HDAC4: variants seen among roughly 807,000 people sequenced by gnomAD.
The protein encoded by HDAC4 is histone deacetylase A.
In HDAC4, 16 loss-of-function variants were observed where a neutral mutation model predicts 135.1. That is an observed-to-expected ratio of 0.12 (90% CI 0.08 to 0.18). The LOEUF (loss-of-function observed/expected upper bound fraction) is 0.18, where lower values mean the gene tolerates loss of function less well. HDAC4 is among the 10% of genes least tolerant of loss of function. The probability of loss-of-function intolerance (pLI) is 1.00; values close to 1 mark genes in which losing one functional copy is unlikely to be tolerated. For synonymous variants in HDAC4, 685 were observed against 653.4 expected (o/e 1.05, Z -0.74); for missense variants, 1,143 against 1,511.8 (o/e 0.76, Z 4.05).
chr2:239,264,068 G>A (rs1184389562), intron 2 of HDAC4, among the ~76,000 whole-genome samples: 3 of 152,080 alleles, frequency 2.0e-5, no homozygotes, highest in Non-Finnish European at 4.4e-5. Flanking sequence ...AAAGGGGGAA[G>A]ACACAGCCCT....
intron 22 of HDAC4, among the ~76,000 whole-genome samples, chr2:239,075,621 G>A (rs374460089): frequency 9.6e-4 from 147 of 152,332 alleles, no homozygotes; most frequent in African/African-American, 3.0e-3. Context: ...GCTTCTCCTC[G>A]CGGTGGCCTC....
chr2:239,298,863 A>ATT (rs35449811), intron 2 of HDAC4, among the ~76,000 whole-genome samples: 9,028 of 83,074 alleles, frequency 0.11, 1,429 homozygotes, highest in East Asian at 0.38. Flanking sequence ...GCCATAGCCT[A>ATT]TTTTTTTTTT....
intron 7 of HDAC4, among the ~76,000 whole-genome samples, chr2:239,152,541 G>A (rs886986165): frequency 1.3e-5 from 2 of 152,254 alleles, no homozygotes; most frequent in Non-Finnish European, 2.9e-5. Flanking sequence ...TGAGGCCCTG[G>A]GTAGAGGTCT....
rs1187495484 is a variant in HDAC4 at position 239,349,142 on chromosome 2, T to G, written c.22+3536A>C. On this transcript the variant is annotated intron_variant, in intron 2 of 26. Transcript: ENST00000543185. The surrounding 1 kb of genome is among the most constrained non-coding windows in gnomAD (Gnocchi z 5.7). ...AGGCCACACAGGAGCAGGGCCCCCA[T>G]GCCAGATGGGCAGGCAAGGGTGAGC... 6.6e-6 allele frequency among the ~76,000 whole-genome samples: 1 copy of G among 152,130 alleles called. No individual in the cohort carries two copies. The highest frequency in any genetic ancestry group is 1.5e-5 in the Non-Finnish European group (1 of 68,016).
intron 1 of HDAC4, among the ~76,000 whole-genome samples, chr2:239,399,573 G>A (rs955215076): frequency 2.6e-5 from 4 of 152,178 alleles, no homozygotes; most frequent in Non-Finnish European, 2.9e-5. Context: ...CCAGGTCAAG[G>A]TGCAAACCTG....
chr2:239,127,538 C>T (rs1256273880), intron 11 of HDAC4, among the ~76,000 whole-genome samples: 1 of 152,172 alleles, frequency 6.6e-6, no homozygotes, highest in Non-Finnish European at 1.5e-5. Context: ...CTCTGTCCTG[C>T]TCTGTGAATA....
At chr2:239,264,828 G>A (rs1316115814) in intron 2 of HDAC4, among the ~76,000 whole-genome samples, 1 of 152,244 alleles carries the variant, frequency 6.6e-6, no homozygotes, top group East Asian at 1.9e-4. Flanking sequence ...CCCCGTCGGA[G>A]GGTCCTGCCC....
At chr2:239,284,322 G>A (rs766868460) in intron 2 of HDAC4, among the ~76,000 whole-genome samples, 3 of 152,198 alleles carry the variant, frequency 2.0e-5, no homozygotes, top group Non-Finnish European at 4.4e-5. Flanking sequence ...CAGAGGGAGC[G>A]GGCCAGGGAG....
rs139165022 is a variant in HDAC4 at position 239,107,112 on chromosome 2, C to T, written c.2112+938G>A. On this transcript the variant is annotated intron_variant, in intron 15 of 26. Coordinates refer to ENST00000543185, the MANE Select transcript of HDAC4 (RefSeq NM_001378414.1). ...GGAGTCTCTTCTCTTCCTGCCCTCG[C>T]TATCAGCAGGGCCTGGCCACACCCT... Among the ~76,000 whole-genome samples the T allele has an allele frequency of 2.1e-3, 326 of 152,348 alleles. 1 individual carries two copies. Among genetic ancestry groups the T allele is most frequent in the African/African-American group, 7.4e-3 (309 of 41,578 alleles).
At chr2:239,232,067 A>G (rs688680) in intron 3 of HDAC4, among the ~76,000 whole-genome samples, 14,219 of 24,482 alleles carry the variant, frequency 0.58, 4,014 homozygotes, top group East Asian at 0.74. Context: ...TCCCCGAAGC[A>G]CCCCTCTCCT....
At chr2:239,208,164 T>C (rs968892511) in intron 3 of HDAC4, among the ~76,000 whole-genome samples, 5 of 137,964 alleles carry the variant, frequency 3.6e-5, no homozygotes, top group Non-Finnish European at 7.9e-5. Flanking sequence ...CTACTAAAAA[T>C]ACAAAAAAAA....
chr2:239,335,972 C>A (rs1691908093), intron 2 of HDAC4, among the ~76,000 whole-genome samples: 2 of 152,112 alleles, frequency 1.3e-5, no homozygotes, highest in Admixed American at 1.3e-4. Flanking sequence ...AAACTGGAAA[C>A]CACCAAAATG....
At chr2:239,105,965 G>C (rs2038092129) in intron 15 of HDAC4, among the ~76,000 whole-genome samples, 1 of 152,172 alleles carries the variant, frequency 6.6e-6, no homozygotes, top group Non-Finnish European at 1.5e-5. Flanking sequence ...CCCCACGTGT[G>C]GGAGCAAGGC....
chr2:239,306,225 A>G lies in HDAC4; in HGVS notation c.22+46453T>C, dbSNP rs918635783. On this transcript the variant is annotated intron_variant, in intron 2 of 26. Transcript: ENST00000543185. The surrounding 1 kb of genome is among the most constrained non-coding windows in gnomAD (Gnocchi z 4.5). Reference sequence around the variant, plus strand: ...AGATCTGACTTCCACTTATTTTCCTATCATTTCCCATCTTTTCATACATTT... The same window carrying G: ...AGATCTGACTTCCACTTATTTTCCTGTCATTTCCCATCTTTTCATACATTT... Among the ~76,000 whole-genome samples the G allele has an allele frequency of 1.3e-5, 2 of 152,006 alleles. No homozygotes were observed. The highest frequency in any genetic ancestry group is 2.9e-5 in the Non-Finnish European group (2 of 67,986).
chr2:239,102,166 C>A (rs1198869041), intron 16 of HDAC4, among the ~76,000 whole-genome samples: 1 of 152,164 alleles, frequency 6.6e-6, no homozygotes, highest in Non-Finnish European at 1.5e-5. Flanking sequence ...AAGCCCCCGG[C>A]CCCACGTCTG....
intron 13 of HDAC4, among the ~76,000 whole-genome samples, chr2:239,114,084 C>T (rs1042851522): frequency 1.1e-4 from 16 of 152,184 alleles, no homozygotes; most frequent in Admixed American, 6.5e-4. Flanking sequence ...AGGCCCCACA[C>T]TGATTCATTC....
At chr2:239,223,265 T>C (rs1010202327) in intron 3 of HDAC4, among the ~76,000 whole-genome samples, 6 of 152,112 alleles carry the variant, frequency 3.9e-5, no homozygotes, top group African/African-American at 9.7e-5. Context: ...ATAGAAACCA[T>C]TGGAGAAGAA....
chr2:239,156,628 C>A (rs779373708), intron 7 of HDAC4, 24 bp downstream of exon 7: 1 of 1,613,854 alleles, frequency 6.2e-7, no homozygotes, highest in Non-Finnish European at 8.5e-7. Context: ...GACCTCCCGG[C>A]CCACAGCATG....
At chr2:239,205,269 C>G (rs1203923283) in intron 3 of HDAC4, among the ~76,000 whole-genome samples, 2 of 152,180 alleles carry the variant, frequency 1.3e-5, no homozygotes, top group Non-Finnish European at 2.9e-5. Context: ...ACAGAAAGCA[C>G]AACGATGCAT....
Sources: gnomAD v4.1 joint callset for allele counts (sites outside exome capture counted in the v4.1 genomes callset) on GRCh38, gnomAD v4.1.1 for gene constraint, Gnocchi (gnomAD v3.1) non-coding constraint, MANE v1.5 for transcripts, NCBI Gene and HGNC (gene_info 2026-07-23, HGNC 2026-07-21) for gene names.